The following ANKRD30BL variants were observed in gnomAD, a reference collection of about 807,000 sequenced individuals.
The protein encoded by ANKRD30BL is putative ankyrin repeat domain-containing protein 30B-like.
In ANKRD30BL, 20 loss-of-function variants were observed where a neutral mutation model predicts 18.4. That is an observed-to-expected ratio of 1.09 (90% CI 0.77 to 1.58). The LOEUF (loss-of-function observed/expected upper bound fraction) is 1.58, where lower values mean the gene tolerates loss of function less well. Among genes scored for constraint, ANKRD30BL ranks in the 40% most tolerant of loss-of-function variants. ANKRD30BL has a pLI of 0.00. For synonymous variants in ANKRD30BL, 72 were observed against 100.9 expected (o/e 0.71, Z 1.72); for missense variants, 224 against 268.6 (o/e 0.83, Z 1.16).
chr2:132,182,175 T>C (rs1324597828), intron 1 of ANKRD30BL, among the ~76,000 whole-genome samples: 4 of 151,526 alleles, frequency 2.6e-5, no homozygotes, highest in Admixed American at 1.3e-4. Context: ...AATTTAATAA[T>C]AAGGTAAGTT....
intron 1 of ANKRD30BL, among the ~76,000 whole-genome samples, chr2:132,198,026 G>A (rs1678999858): frequency 1.3e-5 from 2 of 151,750 alleles, no homozygotes; most frequent in Admixed American, 1.3e-4. Context: ...TCTTCTAGTT[G>A]ATAAACTTAT....
chr2:132,158,156 C>T (rs1687962379), intron 1 of ANKRD30BL, among the ~76,000 whole-genome samples: 3 of 152,176 alleles, frequency 2.0e-5, no homozygotes, highest in African/African-American at 7.2e-5. Context: ...CAGTCTTAGT[C>T]ATAGGATTAA....
At chr2:132,153,832 C>T (rs868268633) in intron 4 of ANKRD30BL, 127 of 347,392 alleles carry the variant, frequency 3.7e-4, no homozygotes, top group African/African-American at 1.7e-3. Flanking sequence ...TTGTAAATCA[C>T]GACCAAGGCT....
chr2:132,222,937 T>A (rs201349774), intron 1 of ANKRD30BL, among the ~76,000 whole-genome samples: 4 of 148,872 alleles, frequency 2.7e-5, no homozygotes, highest in Admixed American at 1.4e-4. Context: ...AAAGGAAATA[T>A]GTTCACATAA....
chr2:132,175,891 A>T (rs11899074), intron 1 of ANKRD30BL, among the ~76,000 whole-genome samples: 1 of 36,290 alleles, frequency 2.8e-5, no homozygotes. Context: ...GGGGGCAAAG[A>T]GGTTGGGGCA....
chr2:132,236,455 G>C (rs1033266639), intron 1 of ANKRD30BL, among the ~76,000 whole-genome samples: 1 of 152,056 alleles, frequency 6.6e-6, no homozygotes, highest in African/African-American at 2.4e-5. Context: ...CCATCAAAAA[G>C]TGGGCAAAGG....
chr2:132,187,429 C>T (rs1688586581), intron 1 of ANKRD30BL, among the ~76,000 whole-genome samples: 1 of 151,844 alleles, frequency 6.6e-6, no homozygotes, highest in Admixed American at 6.6e-5. Flanking sequence ...ATTCTCTTGC[C>T]TCAGCCTCCC....
intron 1 of ANKRD30BL, among the ~76,000 whole-genome samples, chr2:132,171,909 A>G (rs1347100282): frequency 6.6e-6 from 1 of 152,180 alleles, no homozygotes; most frequent in Non-Finnish European, 1.5e-5. Flanking sequence ...GGTAATGATT[A>G]TTCTTTCTGT....
chr2:132,225,636 G>A (rs1273425531), intron 1 of ANKRD30BL, among the ~76,000 whole-genome samples: 2 of 152,026 alleles, frequency 1.3e-5, no homozygotes, highest in Non-Finnish European at 2.9e-5. Flanking sequence ...GGAACGCGTT[G>A]AGGCATTCGT....
chr2:132,205,241 G>A (rs1370609164), intron 1 of ANKRD30BL, among the ~76,000 whole-genome samples: 1 of 152,126 alleles, frequency 6.6e-6, no homozygotes, highest in African/African-American at 2.4e-5. Flanking sequence ...GTGCAGAATA[G>A]TAAGAAAAGA....
intron 1 of ANKRD30BL, among the ~76,000 whole-genome samples, chr2:132,211,287 C>A (rs535339865): frequency 6.6e-6 from 1 of 152,246 alleles, no homozygotes; most frequent in South Asian, 2.1e-4. Flanking sequence ...ATTCATCTCA[C>A]AGAGTTGAAC....
intron 1 of ANKRD30BL, among the ~76,000 whole-genome samples, chr2:132,189,453 T>C (rs1319034148): frequency 6.6e-6 from 1 of 151,846 alleles, no homozygotes; most frequent in African/African-American, 2.4e-5. Context: ...CAGCATTCTC[T>C]CTTTTACCTC....
intron 1 of ANKRD30BL, among the ~76,000 whole-genome samples, chr2:132,243,092 T>G (rs1366534237): frequency 6.6e-6 from 1 of 151,782 alleles, no homozygotes; most frequent in African/African-American, 2.4e-5. Flanking sequence ...AGAAACTTAT[T>G]TCTGGTGTGT....
In ANKRD30BL at chr2:132,225,443, C is replaced by T. The variant is rs201557831; in HGVS notation, n.441+32086G>A. Among the ~76,000 whole-genome samples, 208 of 152,156 alleles carry T rather than the reference C, an allele frequency of 1.4e-3. 5 individuals are homozygous for T. The East Asian group carries it at 0.037, about 27-fold the overall frequency. ...TGAAACACTCTTTTAGTGGAATCTG[C>T]AAGTGAATATTTGGATTGCTTTGAA... On this transcript the variant is annotated intron_variant and non_coding_transcript_variant, in intron 1 of 4. Coordinates refer to the ANKRD30BL transcript ENST00000470729.
chr2:132,176,200 C>T (rs1330160873), intron 1 of ANKRD30BL, among the ~76,000 whole-genome samples: 1 of 151,766 alleles, frequency 6.6e-6, no homozygotes, highest in Admixed American at 6.6e-5. Flanking sequence ...TCAAGATCAG[C>T]CTGGCCAACA....
chr2:132,166,501 TA>T (rs1466995234), upstream of ANKRD30BL, among the ~76,000 whole-genome samples: 1 of 152,184 alleles, frequency 6.6e-6, no homozygotes, highest in Non-Finnish European at 1.5e-5. Flanking sequence ...TCATGTTATC[TA>T]TTTTTTCTTT....
intron 1 of ANKRD30BL, among the ~76,000 whole-genome samples, chr2:132,194,986 A>T (rs1228855244): frequency 6.6e-6 from 1 of 152,240 alleles, no homozygotes; most frequent in Non-Finnish European, 1.5e-5. Context: ...TTAAGAATAC[A>T]GCAGCAATTT....
intron 1 of ANKRD30BL, among the ~76,000 whole-genome samples, chr2:132,233,620 C>G (rs1394497194): frequency 1.3e-5 from 2 of 151,132 alleles, no homozygotes; most frequent in African/African-American, 4.9e-5. Context: ...GGGATCAATT[C>G]AACAAGAAGA....
chr2:132,176,628 C>G (rs983001340), intron 1 of ANKRD30BL, among the ~76,000 whole-genome samples: 2 of 150,820 alleles, frequency 1.3e-5, no homozygotes, highest in African/African-American at 4.9e-5. Context: ...AGAAAAAAGA[C>G]AAAAACAAAA....
Sources: allele counts gnomAD v4.1 joint callset (sites outside exome capture counted in the v4.1 genomes callset), GRCh38; gene constraint gnomAD v4.1.1; transcripts MANE v1.5; gene names NCBI Gene and HGNC (gene_info 2026-07-23, HGNC 2026-07-21).